The following OR7C1 variants were observed in gnomAD, a reference collection of about 807,000 sequenced individuals.
OR7C1 encodes the protein olfactory receptor 7C1.
For synonymous variants in OR7C1, 152 were observed against 160.7 expected (o/e 0.95, Z 0.41); for missense variants, 324 against 383.3 (o/e 0.85, Z 1.29).
At chr19:14,811,332 C>G (rs575636962) in intron 1 of OR7C1, among the ~76,000 whole-genome samples, 1 of 151,988 alleles carries the variant, frequency 6.6e-6, no homozygotes, top group Admixed American at 6.5e-5. Context: ...CTCTATGGCT[C>G]CAGGTGTTCC....
intron 2 of OR7C1, among the ~76,000 whole-genome samples, chr19:14,807,582 CT>C (rs2044671481): frequency 6.6e-6 from 1 of 151,890 alleles, no homozygotes; most frequent in Non-Finnish European, 1.5e-5. Flanking sequence ...AGAGTAAACC[CT>C]TGTGCCTCAG....
exon 5 of OR7C1, chr19:14,799,221 TGAG>T (rs1375203416): frequency 1.9e-6 from 3 of 1,613,998 alleles, no homozygotes; most frequent in Non-Finnish European, 2.5e-6. Flanking sequence ...GTTGCCCTAC[TGAG>T]GAGTCTCCCC....
chr19:14,812,908 A>G (rs532728696), intron 1 of OR7C1, among the ~76,000 whole-genome samples: 1 of 151,846 alleles, frequency 6.6e-6, no homozygotes, highest in South Asian at 2.1e-4. Context: ...TACTAAATAT[A>G]CAAAAAATTA....
chr19:14,814,318 A>C (rs1008287301), intron 1 of OR7C1, among the ~76,000 whole-genome samples: 1 of 147,996 alleles, frequency 6.8e-6, no homozygotes, highest in Non-Finnish European at 1.5e-5. Context: ...AAGGAACCCA[A>C]ACAGCTCAAT....
intron 1 of OR7C1, among the ~76,000 whole-genome samples, chr19:14,814,505 C>A (rs2044707214): frequency 6.6e-6 from 1 of 152,020 alleles, no homozygotes; most frequent in South Asian, 2.1e-4. Flanking sequence ...CTCACTGCAA[C>A]CTCCACCTCC....
exon 5 of OR7C1, chr19:14,799,131 A>G (rs759177300): frequency 5.2e-6 from 8 of 1,550,250 alleles, no homozygotes; most frequent in Non-Finnish European, 6.9e-6. Flanking sequence ...GGATACATTC[A>G]AGAACCACCA....
intron 1 of OR7C1, among the ~76,000 whole-genome samples, chr19:14,828,758 C>CAAAAAAAAAA (rs58983718): frequency 8.5e-4 from 30 of 35,148 alleles, no homozygotes; most frequent in African/African-American, 2.2e-3. Flanking sequence ...GACTCCATCT[C>CAAAAAAAAAA]AAAAAAAAAA....
chr19:14,799,004 C>T, exon 5 of OR7C1: 1 of 715,580 alleles, frequency 1.4e-6, no homozygotes, highest in Non-Finnish European at 2.0e-6. Flanking sequence ...ACGGGGAAAC[C>T]TTGCCAAGGA....
intron 2 of OR7C1, among the ~76,000 whole-genome samples, chr19:14,803,144 T>TAAAAATAC (rs1217550247): frequency 1.3e-5 from 2 of 151,626 alleles, no homozygotes; most frequent in Non-Finnish European, 2.9e-5. Context: ...CCGTCTCTAC[T>TAAAAATAC]AAAAATACAA....
At chr19:14,811,702 A>G (rs570758700) in intron 1 of OR7C1, among the ~76,000 whole-genome samples, 30 of 152,100 alleles carry the variant, frequency 2.0e-4, no homozygotes, top group Admixed American at 5.2e-4. Context: ...CTTAGAGGGT[A>G]GATTCAGATA....
chr19:14,808,397 T>C (rs970124374), intron 2 of OR7C1, among the ~76,000 whole-genome samples: 7 of 151,864 alleles, frequency 4.6e-5, no homozygotes, highest in Admixed American at 1.3e-4. Context: ...ATTGGATAAA[T>C]AAAATGTGGT....
At chr19:14,813,468 T>C (rs1414049503) in intron 1 of OR7C1, among the ~76,000 whole-genome samples, 1 of 151,956 alleles carries the variant, frequency 6.6e-6, no homozygotes, top group African/African-American at 2.4e-5. Flanking sequence ...GGCAGGAGAA[T>C]GGCATGAACC....
intron 1 of OR7C1, among the ~76,000 whole-genome samples, chr19:14,829,726 C>T (rs192740948): frequency 1.8e-4 from 27 of 152,312 alleles, no homozygotes; most frequent in African/African-American, 6.5e-4. Context: ...AATGCATCCC[C>T]TCTTTATTTC....
intron 1 of OR7C1, among the ~76,000 whole-genome samples, chr19:14,818,569 AAC>A (rs1196037025): frequency 6.6e-6 from 1 of 152,178 alleles, no homozygotes. Flanking sequence ...TTCTATTGCA[AAC>A]AGTCTTTGCG....
chr19:14,806,336 G>A (rs955899881), intron 2 of OR7C1, among the ~76,000 whole-genome samples: 2 of 151,952 alleles, frequency 1.3e-5, no homozygotes, highest in Non-Finnish European at 2.9e-5. Context: ...AAGAGAAACA[G>A]TCATTAATGT....
chr19:14,804,827 T>A (rs766006629), intron 2 of OR7C1, among the ~76,000 whole-genome samples: 3 of 151,974 alleles, frequency 2.0e-5, no homozygotes, highest in Admixed American at 1.3e-4. Flanking sequence ...GGCACTCAAT[T>A]GCTTGCTTTC....
At position 14,799,426 on chromosome 19, in the gene OR7C1, C is replaced by T. The variant is rs145390960; in HGVS notation, c.711G>A (p.Ala237=). Reference sequence around the variant, plus strand: ...AGAGGTGGGAACCACAGGTGGAAAACGCTTTGTGCTTTCTCCCAGCTGAGG... The same window carrying T: ...AGAGGTGGGAACCACAGGTGGAAAATGCTTTGTGCTTTCTCCCAGCTGAGG... The change falls in exon 5 of 5, where the codon GCG becomes GCA. Residue 237 remains alanine (A), a synonymous_variant. Coordinates refer to ENST00000641666, the Ensembl canonical transcript of OR7C1. 243 of 1,614,130 alleles carry T rather than the reference C, an allele frequency of 1.5e-4. 1 individual carries two copies. Among genetic ancestry groups the T allele is most frequent in the Non-Finnish European group, 1.7e-4 (196 of 1,180,028 alleles).
In OR7C1 at chr19:14,799,455, T is replaced by A. The variant is rs202114966; in HGVS notation, c.682A>T (p.Ile228Phe). 214 of 1,613,968 alleles carry A rather than the reference T, an allele frequency of 1.3e-4. 1 individual carries two copies. Among genetic ancestry groups the A allele is most frequent in the Non-Finnish European group, 1.5e-4 (182 of 1,180,020 alleles). The change falls in exon 5 of 5, where the codon ATT (isoleucine) becomes TTT (phenylalanine). Residue 228 changes from isoleucine (I) to phenylalanine (F), a missense_variant. Coordinates refer to ENST00000641666, the Ensembl canonical transcript of OR7C1. ...TTGTGCTTTCTCCCAGCTGAGGAAA[T>A]CCTCAGTATAGAGAAAACAATTTTA...
intron 1 of OR7C1, among the ~76,000 whole-genome samples, chr19:14,822,949 C>T (rs1452025931): frequency 6.6e-6 from 1 of 151,722 alleles, no homozygotes; most frequent in Non-Finnish European, 1.5e-5. Context: ...AATGTTTTCT[C>T]TCCTTCCATA....
Sources: gnomAD v4.1 joint callset for allele counts (sites outside exome capture counted in the v4.1 genomes callset) on GRCh38, gnomAD v4.1.1 for gene constraint, MANE v1.5 for transcripts, NCBI Gene and HGNC (gene_info 2026-07-23, HGNC 2026-07-21) for gene names.